FSTL5: variants seen among roughly 807,000 people sequenced by gnomAD.
The protein encoded by FSTL5 is follistatin-related protein 5.
Under a neutral mutation model 89.1 loss-of-function variants are expected in FSTL5, and 62 were observed. The observed-to-expected ratio is 0.70, with a 90% CI of 0.57 to 0.86. The LOEUF (loss-of-function observed/expected upper bound fraction) is 0.86. FSTL5 is among the 40% of genes least tolerant of loss of function. The pLI, the probability that FSTL5 is intolerant of heterozygous loss-of-function variation, is 0.00. For synonymous variants in FSTL5, 383 were observed against 346.2 expected (o/e 1.11, Z -1.18); for missense variants, 1,057 against 1,001.6 (o/e 1.06, Z -0.75).
intron 2 of FSTL5, among the ~76,000 whole-genome samples, chr4:162,061,661 AGAT>A (rs1424181734): frequency 6.6e-6 from 1 of 152,134 alleles, no homozygotes; most frequent in Non-Finnish European, 1.5e-5. Flanking sequence ...AAGAATTTTA[AGAT>A]GATGACAGCA....
At chr4:161,720,986 A>T (rs1281568956) in intron 6 of FSTL5, among the ~76,000 whole-genome samples, 8 of 152,140 alleles carry the variant, frequency 5.3e-5, no homozygotes, top group Non-Finnish European at 1.2e-4. Context: ...CTGTATACTT[A>T]AAATTTTTCT....
chr4:161,666,597 C>T (rs191547432), intron 6 of FSTL5, among the ~76,000 whole-genome samples: 15 of 151,838 alleles, frequency 9.9e-5, no homozygotes, highest in African/African-American at 2.4e-5. Flanking sequence ...TGTTATAAAG[C>T]GATAACAGAA....
At chr4:162,037,563 T>C (rs1419656417) in intron 2 of FSTL5, among the ~76,000 whole-genome samples, 1 of 151,902 alleles carries the variant, frequency 6.6e-6, no homozygotes, top group Non-Finnish European at 1.5e-5. Context: ...GGCTTTTTAT[T>C]GATATTATAT....
chr4:161,432,709 A>C (rs956913351), intron 15 of FSTL5, among the ~76,000 whole-genome samples: 2 of 151,918 alleles, frequency 1.3e-5, no homozygotes, highest in Admixed American at 1.3e-4. Context: ...AAAAGATAAG[A>C]CTCAAATAAA....
chr4:162,026,980 G>A (rs942946910), intron 3 of FSTL5, among the ~76,000 whole-genome samples: 3 of 152,140 alleles, frequency 2.0e-5, no homozygotes, highest in African/African-American at 7.2e-5. Context: ...TTTATTGGTG[G>A]TAACCTTTTG....
rs751181020 is a variant in FSTL5 at position 161,783,677 on chromosome 4, C to CTCTTTCTTTCTTTCTTTCTT, written c.410-7623_410-7604dup. ...TTTCTTTCTTTCTCTTTCTTTCTTT[C>CTCTTTCTTTCTTTCTTTCTT]TCTTTCTTTCTTTCTTTCTTTCTTT... is the stretch of plus-strand genomic sequence containing the variant. On this transcript the variant is annotated intron_variant, in intron 4 of 15. Coordinates refer to ENST00000306100, the MANE Select transcript of FSTL5 (RefSeq NM_020116.5). Among the ~76,000 whole-genome samples, 27 of 8,186 alleles carry CTCTTTCTTTCTTTCTTTCTT rather than the reference C, an allele frequency of 3.3e-3. 3 individuals carry two copies. The highest frequency in any genetic ancestry group is 7.6e-3 in the African/African-American group (24 of 3,176). 5.4% of individuals were successfully genotyped at this position (8,186 alleles called of 152,430 possible). A position where few individuals can be genotyped will look rare whatever the true frequency, so the allele number is the denominator to read the frequency against.
intron 2 of FSTL5, among the ~76,000 whole-genome samples, chr4:162,075,236 T>C (rs568846359): frequency 6.6e-6 from 1 of 151,886 alleles, no homozygotes; most frequent in African/African-American, 2.4e-5. Flanking sequence ...GTTGATTGGA[T>C]AGACAGAGGG....
At chr4:161,615,444 CA>C (rs570217571) in intron 7 of FSTL5, among the ~76,000 whole-genome samples, 2,147 of 87,360 alleles carry the variant, frequency 0.025, 30 homozygotes, top group East Asian at 0.11. Context: ...GACTCCATCT[CA>C]AAAAAAAAAA....
intron 6 of FSTL5, among the ~76,000 whole-genome samples, chr4:161,683,221 A>C (rs186159716): frequency 6.6e-6 from 1 of 151,810 alleles, no homozygotes; most frequent in Admixed American, 6.6e-5. Flanking sequence ...CATCAATGTC[A>C]CCACAAACAC....
chr4:161,935,862 A>G (rs1477063537), intron 3 of FSTL5, among the ~76,000 whole-genome samples: 1 of 152,200 alleles, frequency 6.6e-6, no homozygotes, highest in Admixed American at 6.5e-5. Context: ...CACAGAATTG[A>G]AGACCTTCTC....
chr4:161,558,305 T>A (rs1042072114), intron 8 of FSTL5, among the ~76,000 whole-genome samples: 1 of 151,852 alleles, frequency 6.6e-6, no homozygotes, highest in Admixed American at 6.6e-5. Flanking sequence ...TTTGTGGTGA[T>A]GAAACTCTTC....
In FSTL5 at chr4:162,009,454, G is replaced by T. The variant is rs544264745; in HGVS notation, c.160+24171C>A. On this transcript the variant is annotated intron_variant, in intron 3 of 15. Transcript: ENST00000306100. The stretch of plus-strand genomic sequence containing the variant: ...CCATGAAAAGGCAAAAGCACAAAAT[G>T]AATACAATAATTGTTTCAGTAGGAA... 2.1e-3 allele frequency among the ~76,000 whole-genome samples: 323 copies of T among 152,070 alleles called. 3 individuals are homozygous for T. The highest frequency in any genetic ancestry group is 7.4e-3 in the African/African-American group (308 of 41,550).
chr4:161,398,698 A>G (rs1379651265), intron 15 of FSTL5, among the ~76,000 whole-genome samples: 1 of 152,160 alleles, frequency 6.6e-6, no homozygotes. Flanking sequence ...AAGAGTGCTC[A>G]ATGGAATAGG....
intron 1 of FSTL5, among the ~76,000 whole-genome samples, chr4:162,113,989 C>T (rs1731542616): frequency 6.6e-6 from 1 of 152,152 alleles, no homozygotes; most frequent in African/African-American, 2.4e-5. Context: ...TTCAGCATTA[C>T]ATCACCTGGG....
intron 3 of FSTL5, among the ~76,000 whole-genome samples, chr4:161,968,161 C>T (rs550335627): frequency 6.6e-6 from 1 of 152,040 alleles, no homozygotes; most frequent in East Asian, 1.9e-4. Flanking sequence ...ACATCAATTT[C>T]CTCATCTGTA....
At chr4:161,955,408 A>T (rs532284174) in intron 3 of FSTL5, among the ~76,000 whole-genome samples, 2 of 151,780 alleles carry the variant, frequency 1.3e-5, no homozygotes, top group African/African-American at 4.8e-5. Flanking sequence ...GAACAAAAAA[A>T]AATGTTTTAA....
At chr4:161,589,736 C>G (rs140153672) in intron 7 of FSTL5, among the ~76,000 whole-genome samples, 47 of 152,152 alleles carry the variant, frequency 3.1e-4, no homozygotes, top group African/African-American at 1.1e-3. Context: ...CAAGATAAAC[C>G]TGAGGAATGG....
chr4:161,454,920 C>CT, intron 15 of FSTL5, 84 bp downstream of exon 15: 1 of 1,302,124 alleles, frequency 7.7e-7, no homozygotes, highest in Non-Finnish European at 1.1e-6. Flanking sequence ...TGTTTCATAT[C>CT]TAAGTTTCTT....
intron 15 of FSTL5, among the ~76,000 whole-genome samples, chr4:161,437,304 C>T (rs907382265): frequency 1.3e-5 from 2 of 151,964 alleles, no homozygotes; most frequent in African/African-American, 2.4e-5. Context: ...CAGTGGCTCA[C>T]GCCTGTAATC....
Sources: allele counts gnomAD v4.1 joint callset (sites outside exome capture counted in the v4.1 genomes callset), GRCh38; gene constraint gnomAD v4.1.1; transcripts MANE v1.5; gene names NCBI Gene and HGNC (gene_info 2026-07-23, HGNC 2026-07-21).